Variants in SYN3 observed in about 807,000 individuals in gnomAD.
SYN3 encodes the protein synapsin III, also known as synapsin-3.
A neutral mutation model predicts 65.8 loss-of-function variants in SYN3; 35 were observed. The observed-to-expected ratio is 0.53, with a 90% CI of 0.41 to 0.70. SYN3 has a LOEUF of 0.70. Among genes scored for constraint, SYN3 ranks in the 30% least tolerant of loss-of-function variants. The pLI is 0.00. For missense variants in SYN3, 680 were observed against 749.0 expected (o/e 0.91, Z 1.08); for synonymous variants, 270 against 292.9 (o/e 0.92, Z 0.80).
At chr22:32,946,900 CACAG>C (rs1441129375) in intron 3 of SYN3, among the ~76,000 whole-genome samples, 1 of 152,152 alleles carries the variant, frequency 6.6e-6, no homozygotes, top group African/African-American at 2.4e-5. Context: ...TATATATAGG[CACAG>C]ACAGAGCTCT....
At chr22:32,961,882 C>T (rs1281038073) in intron 3 of SYN3, among the ~76,000 whole-genome samples, 1 of 152,184 alleles carries the variant, frequency 6.6e-6, no homozygotes, top group Non-Finnish European at 1.5e-5. Flanking sequence ...GTTACTAGCT[C>T]CATTCTGTGA....
intron 1 of SYN3, among the ~76,000 whole-genome samples, chr22:33,038,080 G>A (rs915803175): frequency 1.3e-5 from 2 of 152,140 alleles, no homozygotes; most frequent in East Asian, 1.9e-4. Context: ...CAGGCAATCC[G>A]GTGCCCTGCT....
chr22:33,024,836 T>C (rs994935287), intron 1 of SYN3, among the ~76,000 whole-genome samples: 1 of 152,202 alleles, frequency 6.6e-6, no homozygotes, highest in African/African-American at 2.4e-5. Context: ...TGTTAGTTCG[T>C]TGGGGGAGAT....
At chr22:32,758,997 G>C (rs1335110416) in intron 6 of SYN3, among the ~76,000 whole-genome samples, 3 of 151,706 alleles carry the variant, frequency 2.0e-5, no homozygotes, top group Non-Finnish European at 4.4e-5. Context: ...TTCAAGGGAG[G>C]GTCCTGTCCC....
In SYN3 at chr22:32,507,864, T is replaced by A. The variant is rs144948985; in HGVS notation, c.*5828A>T. Among the ~76,000 whole-genome samples, 6,003 of 151,608 alleles carry A rather than the reference T, an allele frequency of 0.04. 417 individuals carry two copies. The highest frequency in any genetic ancestry group is 0.14 in the African/African-American group (5,750 of 41,060). Reference sequence around the variant, plus strand: ...TACACAACAAATGTTTCTTCTAACATCCCCACAATATCACCCCTTACCACG... The same window carrying A: ...TACACAACAAATGTTTCTTCTAACAACCCCACAATATCACCCCTTACCACG... On this transcript the variant is annotated 3_prime_UTR_variant, in exon 14 of 14. Coordinates refer to ENST00000358763, the MANE Select transcript of SYN3 (RefSeq NM_003490.4).
intron 12 of SYN3, among the ~76,000 whole-genome samples, chr22:32,520,942 C>T (rs1363504030): frequency 6.6e-6 from 1 of 152,132 alleles, no homozygotes; most frequent in Non-Finnish European, 1.5e-5. Flanking sequence ...AAACATCCCT[C>T]CCGATCTGAA....
At chr22:32,642,960 T>A (rs1410460766) in intron 6 of SYN3, among the ~76,000 whole-genome samples, 1 of 152,222 alleles carries the variant, frequency 6.6e-6, no homozygotes, top group Non-Finnish European at 1.5e-5. Flanking sequence ...AAGTTATACT[T>A]GTATTAATAT....
chr22:32,770,324 T>A (rs2045735033), intron 6 of SYN3, among the ~76,000 whole-genome samples: 1 of 152,144 alleles, frequency 6.6e-6, no homozygotes, highest in Non-Finnish European at 1.5e-5. Flanking sequence ...CAGATGTAAG[T>A]CAAATGCCAC....
intron 6 of SYN3, among the ~76,000 whole-genome samples, chr22:32,612,820 C>T (rs1403539186): frequency 6.6e-6 from 1 of 152,036 alleles, no homozygotes; most frequent in African/African-American, 2.4e-5. Context: ...GCCTGGGTGA[C>T]AAAGTGAGAC....
intron 7 of SYN3, among the ~76,000 whole-genome samples, chr22:32,559,812 A>G (rs1298014797): frequency 1.3e-5 from 2 of 150,794 alleles, no homozygotes; most frequent in Non-Finnish European, 3.0e-5. Flanking sequence ...CCTGGGAGAC[A>G]GAGCGAGACT....
At chr22:32,666,897 C>A (rs886646478) in intron 6 of SYN3, among the ~76,000 whole-genome samples, 1 of 152,296 alleles carries the variant, frequency 6.6e-6, no homozygotes, top group East Asian at 1.9e-4. Context: ...CTCCCCACCT[C>A]GACCAAGCTC....
Position 32,582,675 on chromosome 22 carries a change from C to G in SYN3, c.774+13999G>C, listed in dbSNP as rs547841777. ...GGGATTACAGGTGTGAGCCACTGTG[C>G]CCAGCCTATGTTCTGCATTTTTAAG... On this transcript the variant is annotated intron_variant, in intron 7 of 13. Transcript: ENST00000358763. 2.2e-3 allele frequency among the ~76,000 whole-genome samples: 334 copies of G among 152,244 alleles called. 1 individual carries two copies. Among genetic ancestry groups the G allele is most frequent in the African/African-American group, 7.6e-3 (317 of 41,520 alleles).
chr22:32,756,188 C>A (rs2145685785), intron 6 of SYN3, among the ~76,000 whole-genome samples: 1 of 151,816 alleles, frequency 6.6e-6, no homozygotes, highest in South Asian at 2.1e-4. Flanking sequence ...CCTGCACATT[C>A]TGCACATGTA....
In SYN3 at chr22:32,766,240, T is replaced by C. The variant is rs113035673; in HGVS notation, c.711+98675A>G. Among the ~76,000 whole-genome samples, 1,198 of 152,298 alleles carry C rather than the reference T, an allele frequency of 7.9e-3. 5 individuals carry two copies. Among genetic ancestry groups the C allele is most frequent in the South Asian group, 0.021 (103 of 4,816 alleles). Reference sequence around the variant, plus strand: ...GGTATGTGCTGAGCACCTTTTGTGCTTTCCATGACCCCAGCTGTGTATCTG... The same window carrying C: ...GGTATGTGCTGAGCACCTTTTGTGCCTTCCATGACCCCAGCTGTGTATCTG... On this transcript the variant is annotated intron_variant, in intron 6 of 13. Coordinates refer to ENST00000358763, the MANE Select transcript of SYN3 (RefSeq NM_003490.4).
chr22:33,054,570 A>T (rs977902112), intron 1 of SYN3, among the ~76,000 whole-genome samples: 3 of 152,068 alleles, frequency 2.0e-5, no homozygotes, highest in African/African-American at 7.2e-5. Context: ...CCCCAGTCCC[A>T]CTTCCCCCTC....
chr22:32,879,007 T>C (rs1473814500), intron 4 of SYN3, among the ~76,000 whole-genome samples: 1 of 152,132 alleles, frequency 6.6e-6, no homozygotes, highest in Admixed American at 6.6e-5. Flanking sequence ...TTAAAAAATT[T>C]TTGAAAATCA....
At chr22:32,857,627 G>T (rs918322418) in intron 6 of SYN3, among the ~76,000 whole-genome samples, 4 of 152,172 alleles carry the variant, frequency 2.6e-5, no homozygotes, top group African/African-American at 7.2e-5. Context: ...TAAAAAGGGA[G>T]TATCTGTTCC....
intron 2 of SYN3, among the ~76,000 whole-genome samples, chr22:32,996,091 C>G (rs133926): frequency 0.36 from 54,333 of 151,978 alleles, 9,962 homozygotes; most frequent in Non-Finnish European, 0.39. Flanking sequence ...CTAAGACTCT[C>G]TTCCAGGGCA....
intron 4 of SYN3, among the ~76,000 whole-genome samples, chr22:32,886,744 GT>G (rs2049300750): frequency 6.6e-6 from 1 of 152,210 alleles, no homozygotes; most frequent in Non-Finnish European, 1.5e-5. Context: ...CTATGGATTA[GT>G]TTTGCCTGTT....
Sources: gnomAD v4.1 joint callset for allele counts (sites outside exome capture counted in the v4.1 genomes callset) on GRCh38, gnomAD v4.1.1 for gene constraint, MANE v1.5 for transcripts, NCBI Gene and HGNC (gene_info 2026-07-23, HGNC 2026-07-21) for gene names.